HEPHL1: variants seen among roughly 807,000 people sequenced by gnomAD.
The protein encoded by HEPHL1 is ferroxidase HEPHL1.
Under a neutral mutation model 122.0 loss-of-function variants are expected in HEPHL1, and 123 were observed. That is an observed-to-expected ratio of 1.01 (90% CI 0.87 to 1.17). HEPHL1 has a LOEUF of 1.17. Ranked by LOEUF, HEPHL1 falls within the 50% of genes most tolerant of loss-of-function variation. HEPHL1 has a pLI of 0.00. For synonymous variants in HEPHL1, 527 were observed against 508.9 expected (o/e 1.04, Z -0.48); for missense variants, 1,452 against 1,430.5 (o/e 1.01, Z -0.24).
intron 9 of HEPHL1, among the ~76,000 whole-genome samples, chr11:94,079,116 C>G (rs1373582061): frequency 6.6e-6 from 1 of 152,190 alleles, no homozygotes; most frequent in Admixed American, 6.5e-5. Flanking sequence ...AATAACAGCA[C>G]TGAGTGCTTA....
chr11:94,072,227 G>A (rs1173274530), intron 6 of HEPHL1, among the ~76,000 whole-genome samples: 3 of 152,120 alleles, frequency 2.0e-5, no homozygotes, highest in Admixed American at 1.3e-4. Flanking sequence ...GAAGAAAAGT[G>A]AATGAGCCAG....
chr11:94,069,431 G>A (rs1946057755), intron 5 of HEPHL1, among the ~76,000 whole-genome samples: 2 of 151,814 alleles, frequency 1.3e-5, no homozygotes, highest in South Asian at 4.2e-4. Flanking sequence ...CCTATAAATT[G>A]GTTTTAAAAT....
At chr11:94,061,295 G>A (rs1565351942) in intron 2 of HEPHL1, among the ~76,000 whole-genome samples, 1 of 152,116 alleles carries the variant, frequency 6.6e-6, no homozygotes, top group East Asian at 1.9e-4. Context: ...ATAAACATGG[G>A]GGTCACTGGT....
intron 1 of HEPHL1, 69 bp from the exon 2 acceptor site, chr11:94,045,604 C>A (rs1945826760): frequency 3.0e-6 from 4 of 1,351,600 alleles, no homozygotes; most frequent in Non-Finnish European, 4.0e-6. Flanking sequence ...ACTTTATAAA[C>A]TCCTAGTGGT....
chr11:94,044,979 C>T (rs1285622223), intron 1 of HEPHL1, among the ~76,000 whole-genome samples: 1 of 151,982 alleles, frequency 6.6e-6, no homozygotes, highest in African/African-American at 2.4e-5. Context: ...GATCATGGCT[C>T]ACTGCAGCCT....
intron 13 of HEPHL1, among the ~76,000 whole-genome samples, chr11:94,094,164 AC>A (rs1946289382): frequency 6.6e-6 from 1 of 150,970 alleles, no homozygotes. Context: ...CTACCCCACG[AC>A]AGGCCCTGGT....
At chr11:94,078,245 C>A (rs2134436862) in intron 9 of HEPHL1, among the ~76,000 whole-genome samples, 1 of 152,086 alleles carries the variant, frequency 6.6e-6, no homozygotes, top group Admixed American at 6.5e-5. Flanking sequence ...GGCCTGCAAA[C>A]AAACACTGAA....
chr11:94,065,105 G>A (rs934862366), intron 4 of HEPHL1, among the ~76,000 whole-genome samples: 16 of 152,160 alleles, frequency 1.1e-4, no homozygotes, highest in African/African-American at 3.9e-4. Flanking sequence ...TTGAGATGGG[G>A]CACTTACTCA....
At chr11:94,101,883 T>G (rs1946370271) in intron 14 of HEPHL1, among the ~76,000 whole-genome samples, 2 of 152,200 alleles carry the variant, frequency 1.3e-5, no homozygotes, top group African/African-American at 4.8e-5. Flanking sequence ...GAATCAATCT[T>G]GGTCTGAAAA....
chr11:94,074,461 CTG>C (rs35911978), intron 8 of HEPHL1, among the ~76,000 whole-genome samples: 65,588 of 151,572 alleles, frequency 0.43, 14,406 homozygotes, highest in East Asian at 0.56. Flanking sequence ...CTCAGAATGA[CTG>C]TGTGTGTGTG....
intron 2 of HEPHL1, among the ~76,000 whole-genome samples, chr11:94,058,088 G>A (rs1945955104): frequency 6.6e-6 from 1 of 152,054 alleles, no homozygotes; most frequent in East Asian, 1.9e-4. Context: ...TTAGCTCAGT[G>A]GTCAGCAAAT....
At chr11:94,108,459 G>T (rs1946424983) in intron 17 of HEPHL1, among the ~76,000 whole-genome samples, 1 of 151,808 alleles carries the variant, frequency 6.6e-6, no homozygotes. Context: ...CATACTTTTG[G>T]TGTCATGTAT....
chr11:94,033,067 AC>A (rs1591461298), intron 1 of HEPHL1, among the ~76,000 whole-genome samples: 1 of 152,036 alleles, frequency 6.6e-6, no homozygotes, highest in East Asian at 1.9e-4. Flanking sequence ...AATGTATAAA[AC>A]CCCAAGTCAA....
At chr11:94,037,458 T>A (rs1945736750) in intron 1 of HEPHL1, among the ~76,000 whole-genome samples, 2 of 152,014 alleles carry the variant, frequency 1.3e-5, no homozygotes, top group South Asian at 4.2e-4. Context: ...TCTGCAGACT[T>A]AAATGTCCCT....
intron 1 of HEPHL1, among the ~76,000 whole-genome samples, chr11:94,022,999 C>T (rs1355858792): frequency 6.6e-6 from 1 of 152,156 alleles, no homozygotes; most frequent in Non-Finnish European, 1.5e-5. Context: ...CCTAAAATGC[C>T]CACGTCACTA....
chr11:94,097,353 C>G lies in HEPHL1; in HGVS notation c.2434+3713C>G, dbSNP rs536706780. On this transcript the variant is annotated intron_variant, in intron 13 of 19. Transcript: ENST00000315765. ...TGAGTGAGTTCCTTAATCCTGAGTT[C>G]TAGTTTGATTGCACTGTGGTCTGAG... Among the ~76,000 whole-genome samples the G allele has an allele frequency of 9.9e-5, 15 of 152,282 alleles. No homozygotes were observed. In the East Asian group the frequency reaches 2.7e-3, roughly 27 times the overall value.
At chr11:94,052,939 T>C (rs940548905) in intron 2 of HEPHL1, among the ~76,000 whole-genome samples, 2 of 152,130 alleles carry the variant, frequency 1.3e-5, no homozygotes, top group African/African-American at 4.8e-5. Context: ...GTAGTTTTCT[T>C]GTGATGTTTG....
intron 17 of HEPHL1, 132 bp from the exon 18 acceptor site, chr11:94,110,771 C>T (rs1420385772): frequency 1.5e-6 from 1 of 651,298 alleles, no homozygotes; most frequent in African/African-American, 1.8e-5. Flanking sequence ...TACTTCTATT[C>T]TTGATTCCTG....
rs1946456201 is a variant in HEPHL1 at position 94,112,216 on chromosome 11, T to C, written c.*322T>C. The C allele has an allele frequency of 5.1e-6, 1 of 194,694 alleles. No individual in the cohort carries two copies. Among genetic ancestry groups the C allele is most frequent in the South Asian group, 1.9e-4 (1 of 5,238 alleles). The allele number at this position is 194,694 out of a possible 1,614,324, so 12.1% of individuals were successfully genotyped here. On this transcript the variant is annotated 3_prime_UTR_variant, in exon 20 of 20. Coordinates refer to ENST00000315765, the MANE Select transcript of HEPHL1 (RefSeq NM_001098672.2). ...AGATATCTTTATATTCCATCTTTTA[T>C]AATTCTTGAACAGTGCTTTCTTAGC...
Sources: gnomAD v4.1 joint callset for allele counts (sites outside exome capture counted in the v4.1 genomes callset) on GRCh38, gnomAD v4.1.1 for gene constraint, MANE v1.5 for transcripts, NCBI Gene and HGNC (gene_info 2026-07-23, HGNC 2026-07-21) for gene names.